PCM1: variants seen among roughly 807,000 people sequenced by gnomAD.
PCM1 encodes the protein pericentriolar material 1, also known as pericentriolar material 1 protein.
PCM1 carries 157 observed loss-of-function variants against 241.9 expected under a neutral mutation model. The observed-to-expected ratio is 0.65, with a 90% confidence interval of 0.57 to 0.74. PCM1 has a LOEUF of 0.74. PCM1 is among the 30% of genes least tolerant of loss of function. PCM1 has a pLI of 0.00. For missense variants in PCM1, 3,478 were observed against 2,360.1 expected (o/e 1.47, Z -9.81); for synonymous variants, 1,085 against 784.9 (o/e 1.38, Z -6.39).
intron 6 of PCM1, among the ~76,000 whole-genome samples, chr8:17,944,139 T>C (rs1402679889): frequency 6.6e-6 from 1 of 152,206 alleles, no homozygotes; most frequent in South Asian, 2.1e-4. Flanking sequence ...TACCTGTGTT[T>C]TGCCATTATT....
intron 36 of PCM1, among the ~76,000 whole-genome samples, chr8:18,023,057 G>A (rs150600003): frequency 5.3e-4 from 81 of 152,102 alleles, no homozygotes; most frequent in African/African-American, 1.8e-3. Flanking sequence ...AGATATGACA[G>A]AGAATAACCA....
intron 7 of PCM1, 81 bp from the exon 8 acceptor site, chr8:17,950,534 T>A: frequency 1.4e-6 from 1 of 739,552 alleles, no homozygotes; most frequent in Non-Finnish European, 2.2e-6. Flanking sequence ...ATTCTTTTTT[T>A]AAATTTATTT....
Position 17,986,239 on chromosome 8 carries a change from G to C in PCM1, c.4410+152G>C. On this transcript the variant is annotated intron_variant, in intron 26 of 38. Coordinates refer to ENST00000325083, the MANE Select transcript of PCM1 (RefSeq NM_006197.4). ...GGTATAATGTGTTATTTTATTTTGA[G>C]GGCGAGATATAATATGCAATCAAAA... 3 of 494,300 alleles carry C rather than the reference G, an allele frequency of 6.1e-6. No homozygotes were observed. In the South Asian group the frequency reaches 1.3e-4, roughly 21 times the overall value. The allele number at this position is 494,300 out of a possible 1,614,324, so 30.6% of individuals were successfully genotyped here. A position where few individuals can be genotyped will look rare whatever the true frequency, so the allele number is the denominator to read the frequency against.
intron 5 of PCM1, 144 bp downstream of exon 5, chr8:17,939,153 G>A (rs1306090133): frequency 2.8e-6 from 2 of 707,574 alleles, no homozygotes; most frequent in Admixed American, 3.1e-5. Flanking sequence ...TAATCTGCCA[G>A]ATTTACTTAA....
chr8:17,998,963 C>T (rs2088062367), intron 29 of PCM1, among the ~76,000 whole-genome samples: 1 of 152,104 alleles, frequency 6.6e-6, no homozygotes, highest in Admixed American at 6.5e-5. Flanking sequence ...CCCATGAGTT[C>T]TGCTAATATT....
chr8:17,938,730 T>C lies in PCM1; in HGVS notation c.343-10T>C. 1.3e-6 allele frequency: 2 copies of C among 1,599,298 alleles called. No homozygotes were observed. The highest frequency in any genetic ancestry group is 2.2e-5 in the South Asian group (2 of 90,334). On this transcript the variant is annotated splice_polypyrimidine_tract_variant and intron_variant, in intron 4 of 38. Coordinates refer to ENST00000325083, the MANE Select transcript of PCM1 (RefSeq NM_006197.4). ...ATGTTTGTGTGATTTGATTTCTTTTTCATATATAGAGAAGCATTGGAAGTG... is the reference window on the plus strand; with the variant it reads ...ATGTTTGTGTGATTTGATTTCTTTTCCATATATAGAGAAGCATTGGAAGTG...
intron 27 of PCM1, among the ~76,000 whole-genome samples, chr8:17,990,183 A>G (rs1202715375): frequency 6.6e-6 from 1 of 152,064 alleles, no homozygotes; most frequent in East Asian, 1.9e-4. Context: ...TTGACTCTGC[A>G]TATACTAAGG....
In PCM1 at chr8:17,938,764, G is replaced by C; in HGVS notation, c.367G>C (p.Gly123Arg). 6.2e-7 allele frequency: 1 copy of C among 1,611,884 alleles called. No individual in the cohort carries two copies. Among genetic ancestry groups the C allele is most frequent in the Non-Finnish European group, 8.5e-7 (1 of 1,177,956 alleles). The change falls in exon 5 of 39, where the codon GGT becomes CGT. Residue 123 changes from glycine to arginine, a missense_variant. Coordinates refer to ENST00000325083, the MANE Select transcript of PCM1 (RefSeq NM_006197.4). ...GAGAAGCATTGGAAGTGATTCCCAA[G>C]GTAGAGCAACAGCTGCTAACAACAA... is the stretch of plus-strand genomic sequence containing the variant. The part of the protein sequence containing the change: ...DQRSIGSDSQ[G>R]RATAANNKRQ...
At chr8:18,020,073 T>G (rs888785535) in intron 36 of PCM1, among the ~76,000 whole-genome samples, 2 of 152,126 alleles carry the variant, frequency 1.3e-5, no homozygotes, top group African/African-American at 4.8e-5. Context: ...GGAAGATAAT[T>G]AGGAACAAGC....
At position 18,009,716 on chromosome 8, in the gene PCM1, C is replaced by A. The variant is rs771448146; in HGVS notation, c.5132C>A (p.Thr1711Asn). 6 of 1,498,092 alleles carry A rather than the reference C, an allele frequency of 4.0e-6. No individual in the cohort carries two copies. The highest frequency in any genetic ancestry group is 5.3e-6 in the Non-Finnish European group (6 of 1,124,762). 92.8% of individuals were successfully genotyped at this position (1,498,092 alleles called of 1,614,324 possible). A position where few individuals can be genotyped will look rare whatever the true frequency, so the allele number is the denominator to read the frequency against. ...AGATGCAAAAGGAAAATAGAAGCAACTGGAGTGATACAATCTTGTGCCAAA... is the reference window on the plus strand; with the variant it reads ...AGATGCAAAAGGAAAATAGAAGCAAATGGAGTGATACAATCTTGTGCCAAA... The part of the protein sequence containing the change: ...KQRCKRKIEA[T>N]GVIQSCAKEA... The change falls in exon 31 of 39, where the codon ACT becomes AAT. Residue 1711 changes from threonine to asparagine, a missense_variant. By Grantham distance (65) the Thr-to-Asn change is moderately conservative. Coordinates refer to ENST00000325083, the MANE Select transcript of PCM1 (RefSeq NM_006197.4).
At position 17,948,361 on chromosome 8, in the gene PCM1, A is replaced by G. The variant is rs990798973; in HGVS notation, c.961+998A>G. ...GCTCTGTTGCCCAGGCTGGAGTGCA[A>G]TGGCATGTTCTCGGCTCACTGCAAC... On this transcript the variant is annotated intron_variant, in intron 7 of 38. Transcript: ENST00000325083. 7.0e-5 allele frequency among the ~76,000 whole-genome samples: 9 copies of G among 128,288 alleles called. No individual in the cohort carries two copies. In the Admixed American group the frequency reaches 8.5e-4, roughly 12 times the overall value. The allele number at this position is 128,288 out of a possible 152,430, so 84.2% of individuals were successfully genotyped here.
Position 17,993,534 on chromosome 8 carries a change from C to T in PCM1, c.4742C>T (p.Ser1581Phe). ...RSSQQPVSEVSTIPCPRIDTQ... is the reference protein window; with the variant it reads ...RSSQQPVSEVFTIPCPRIDTQ... ...TCACAACAACCTGTAAGTGAAGTTT[C>T]TACCATCCCATGTCCTAGAATTGAT... is the stretch of plus-strand genomic sequence containing the variant. Residue 1581 changes from serine to phenylalanine, a missense_variant, in exon 29 of 39, where the codon TCT becomes TTT. By Grantham distance (155) the Ser-to-Phe change is radical (BLOSUM62 -2). Transcript: ENST00000325083. The T allele has an allele frequency of 6.3e-7, 1 of 1,592,430 alleles. No homozygotes were observed. The highest frequency in any genetic ancestry group is 8.6e-7 in the Non-Finnish European group (1 of 1,168,666).
chr8:17,947,875 A>G (rs1332630110), intron 7 of PCM1, among the ~76,000 whole-genome samples: 2 of 152,198 alleles, frequency 1.3e-5, no homozygotes, highest in Admixed American at 6.5e-5. Context: ...TTTATAGTGT[A>G]TACATTCTTC....
rs574807851 is a variant in PCM1, at chr8:17,933,109, T to C, written c.-22-2480T>C. ...TGTTAGCAAATTGTTGTATCAGTGC[T>C]CACTCCTACATCATAGAATTGTTGT... On this transcript the variant is annotated intron_variant, in intron 2 of 38. Transcript: ENST00000325083. 2.6e-5 allele frequency among the ~76,000 whole-genome samples: 4 copies of C among 152,356 alleles called. No individual in the cohort carries two copies. The South Asian group carries it at 8.3e-4, about 32-fold the overall frequency.
At chr8:18,006,064 T>C (rs928642959) in intron 29 of PCM1, 199 bp from the exon 30 acceptor site, 3 of 456,982 alleles carry the variant, frequency 6.6e-6, no homozygotes, top group Middle Eastern at 5.8e-4. Context: ...TGGGTCAAAA[T>C]TGCCAAACCT....
At chr8:17,986,180 A>G (rs1333085469) in intron 26 of PCM1, 93 bp downstream of exon 26, 1 of 865,172 alleles carries the variant, frequency 1.2e-6, no homozygotes, top group African/African-American at 1.7e-5. Context: ...AGGTAGACCT[A>G]ATATATTTGA....
At chr8:17,955,708 G>GTTTTTT in intron 10 of PCM1, 55 bp downstream of exon 10, 1 of 1,076,478 alleles carries the variant, frequency 9.3e-7, no homozygotes, top group South Asian at 1.5e-5. Flanking sequence ...GATAAATTCT[G>GTTTTTT]TTTTTTTTTT....
At chr8:17,999,321 T>G (rs1588164891) in intron 29 of PCM1, among the ~76,000 whole-genome samples, 1 of 152,074 alleles carries the variant, frequency 6.6e-6, no homozygotes, top group East Asian at 1.9e-4. Flanking sequence ...TGGGTATCAC[T>G]GTCAGTTATT....
intron 16 of PCM1, chr8:17,962,879 G>C: frequency 7.5e-6 from 3 of 399,476 alleles, no homozygotes. Context: ...CTCCAGCCCA[G>C]ATGACAGAGT....
Sources: allele counts gnomAD v4.1 joint callset (sites outside exome capture counted in the v4.1 genomes callset), GRCh38; gene constraint gnomAD v4.1.1; transcripts MANE v1.5; gene names NCBI Gene and HGNC (gene_info 2026-07-23, HGNC 2026-07-21).